The following CEP57L1 variants were observed in gnomAD, a reference collection of about 807,000 sequenced individuals.
The protein encoded by CEP57L1 is centrosomal protein CEP57L1.
Under a neutral mutation model 61.0 loss-of-function variants are expected in CEP57L1, and 37 were observed. The ratio of observed to expected loss-of-function variants is 0.61; its 90% CI spans 0.47 to 0.80. The LOEUF (loss-of-function observed/expected upper bound fraction) is 0.80, where lower values mean the gene tolerates loss of function less well. Among genes scored for constraint, CEP57L1 ranks in the 30% least tolerant of loss-of-function variants. CEP57L1 has a pLI of 0.00. For missense variants in CEP57L1, 422 were observed against 524.7 expected (o/e 0.80, Z 1.91); for synonymous variants, 137 against 162.3 (o/e 0.84, Z 1.19).
At chr6:109,159,632 G>A (rs1270500138) in intron 9 of CEP57L1, among the ~76,000 whole-genome samples, 170 bp downstream of exon 9, 1 of 152,034 alleles carries the variant, frequency 6.6e-6, no homozygotes, top group Non-Finnish European at 1.5e-5. Context: ...TTTATCAGGA[G>A]AAGTACCATA....
intron 7 of CEP57L1, chr6:109,158,766 C>A: frequency 1.9e-6 from 1 of 534,162 alleles, no homozygotes; most frequent in South Asian, 1.8e-5. Context: ...TTGTTATTGT[C>A]ACTGTTTTTT....
intron 2 of CEP57L1, among the ~76,000 whole-genome samples, chr6:109,145,875 CATTTT>C (rs951630024): frequency 8.6e-5 from 13 of 151,770 alleles, no homozygotes; most frequent in African/African-American, 3.1e-4. Flanking sequence ...ATTAGGAAAA[CATTTT>C]ATTACTCCAG....
At chr6:109,157,971 A>T (rs1169478596) in intron 7 of CEP57L1, 1 of 152,186 alleles carries the variant, frequency 6.6e-6, no homozygotes, top group African/African-American at 2.4e-5. Context: ...ATAGCTACAC[A>T]TCCCCTTCCC....
rs1219766201 is a variant in CEP57L1, at chr6:109,166,586, T to G, written c.*3616T>G. ...TTAGTAGAGATGGGGTTTCACTGTGTTAGCCAGGATGGTCTGGATCTCCTG... is the reference window on the plus strand; with the variant it reads ...TTAGTAGAGATGGGGTTTCACTGTGGTAGCCAGGATGGTCTGGATCTCCTG... On this transcript the variant is annotated 3_prime_UTR_variant, in exon 11 of 11. Coordinates refer to ENST00000517392, the MANE Select transcript of CEP57L1 (RefSeq NM_001271852.3). 2.6e-5 allele frequency among the ~76,000 whole-genome samples: 4 copies of G among 152,176 alleles called. No individual in the cohort carries two copies. Among genetic ancestry groups the G allele is most frequent in the African/African-American group, 4.8e-5 (2 of 41,438 alleles).
intron 4 of CEP57L1, among the ~76,000 whole-genome samples, chr6:109,151,062 C>T (rs1379491584): frequency 1.3e-5 from 2 of 151,998 alleles, no homozygotes; most frequent in South Asian, 4.1e-4. Flanking sequence ...AATAATAATG[C>T]TTTGTATGGT....
rs772409319 is a variant in CEP57L1, at chr6:109,162,844, A to T, written c.1257A>T (p.Ile419=). The change falls in exon 11 of 11, where the codon ATA becomes ATT. Residue 419 remains isoleucine, a synonymous_variant. Transcript: ENST00000517392. The part of the protein sequence containing the change: ...EDSYPKGSKN[I]KNSPRKCLTD... ...GCTACCCTAAAGGATCAAAGAACAT[A>T]AAAAATAGCCCCAGAAAATGTTTGA... 7 of 1,613,266 alleles carry T rather than the reference A, an allele frequency of 4.3e-6. No homozygotes were observed. The highest frequency in any genetic ancestry group is 1.3e-5 in the African/African-American group (1 of 75,016).
At chr6:109,096,139 T>G (rs1366260729) in intron 1 of CEP57L1, among the ~76,000 whole-genome samples, 1 of 152,242 alleles carries the variant, frequency 6.6e-6, no homozygotes, top group African/African-American at 2.4e-5. Context: ...TTCAGTCATT[T>G]GCTTAAAATT....
rs1774531136 is a variant in CEP57L1, at chr6:109,174,096, T to G, written c.*11126T>G. 8.6e-6 allele frequency among the ~76,000 whole-genome samples: 1 copy of G among 115,780 alleles called. No homozygotes were observed. The allele number at this position is 115,780 out of a possible 152,430, so 76.0% of individuals were successfully genotyped here. A position where few individuals can be genotyped will look rare whatever the true frequency, so the allele number is the denominator to read the frequency against. ...GCCTGAGCCATAGAGTGAGTCTTGG[T>G]CTCAAAAAAAAAAAAAAACCTTGTG... On this transcript the variant is annotated 3_prime_UTR_variant, in exon 11 of 11. Coordinates refer to ENST00000517392, the MANE Select transcript of CEP57L1 (RefSeq NM_001271852.3).
At chr6:109,138,985 C>T (rs1771046784) in intron 1 of CEP57L1, among the ~76,000 whole-genome samples, 1 of 152,140 alleles carries the variant, frequency 6.6e-6, no homozygotes, top group Non-Finnish European at 1.5e-5. Flanking sequence ...TGAACTTTTA[C>T]CTTTTCACTG....
intron 1 of CEP57L1, among the ~76,000 whole-genome samples, chr6:109,112,428 G>A (rs1164804655): frequency 1.3e-5 from 2 of 151,378 alleles, no homozygotes; most frequent in African/African-American, 2.4e-5. Context: ...TCCTTTATTC[G>A]TGTATCTATT....
chr6:109,105,885 C>G (rs1770878834), intron 1 of CEP57L1: 1 of 152,134 alleles, frequency 6.6e-6, no homozygotes, highest in African/African-American at 2.4e-5. Flanking sequence ...TTGCATTACC[C>G]CCAGAGCTCC....
At position 109,116,234 on chromosome 6, in the gene CEP57L1, A is replaced by G. The variant is rs552450920; in HGVS notation, c.-4+20659A>G. 3.3e-5 allele frequency among the ~76,000 whole-genome samples: 5 copies of G among 151,978 alleles called. No individual in the cohort carries two copies. The South Asian group carries it at 1.0e-3, about 31-fold the overall frequency. ...TTCTTGTTGGCCAGGCTGGAGTGCA[A>G]TGGCATGATCTCGGCTCACTGCAAC... On this transcript the variant is annotated intron_variant, in intron 1 of 10. Transcript: ENST00000517392.
At chr6:109,095,500 C>A (rs578125108), upstream of CEP57L1, 122 of 985,736 alleles carry the variant, frequency 1.2e-4, no homozygotes, top group Non-Finnish European at 1.4e-4. Context: ...CCCCCAGGGG[C>A]CACCGCGACG....
chr6:109,146,114 A>G (rs1389196131), intron 2 of CEP57L1, among the ~76,000 whole-genome samples: 1 of 151,982 alleles, frequency 6.6e-6, no homozygotes, highest in East Asian at 1.9e-4. Context: ...TCTAGCAAGC[A>G]TCTTTCTAAT....
At chr6:109,136,761 TTTA>T (rs988429857) in intron 1 of CEP57L1, among the ~76,000 whole-genome samples, 29 of 139,032 alleles carry the variant, frequency 2.1e-4, no homozygotes, top group African/African-American at 8.4e-4. Context: ...TTTTATTTTA[TTTA>T]TTTTTTTGAG....
intron 1 of CEP57L1, among the ~76,000 whole-genome samples, chr6:109,099,908 C>G (rs1219064130): frequency 1.3e-5 from 2 of 152,200 alleles, no homozygotes; most frequent in Non-Finnish European, 2.9e-5. Context: ...CACTCTTTTA[C>G]TGTGTTCTTT....
intron 7 of CEP57L1, chr6:109,158,375 G>C (rs1339562106): frequency 1.1e-5 from 3 of 278,304 alleles, no homozygotes; most frequent in Admixed American, 5.0e-5. Context: ...TGTAATCCCA[G>C]CTACTCGGGA....
chr6:109,116,514 G>A lies in CEP57L1; in HGVS notation c.-4+20939G>A, dbSNP rs113084059. Among the ~76,000 whole-genome samples the A allele has an allele frequency of 3.4e-3, 517 of 152,204 alleles. 1 individual carries two copies. Among genetic ancestry groups the A allele is most frequent in the African/African-American group, 0.01 (417 of 41,516 alleles). On this transcript the variant is annotated intron_variant, in intron 1 of 10. Transcript: ENST00000517392. ...TAGAGATACTTTTCTTAACAGTAGA[G>A]TAGACTAATTGATATATATGTTACT...
chr6:109,146,836 T>C lies in CEP57L1; in HGVS notation c.239T>C (p.Leu80Pro). The C allele has an allele frequency of 1.2e-6, 2 of 1,610,944 alleles. No individual in the cohort carries two copies. Among genetic ancestry groups the C allele is most frequent in the Non-Finnish European group, 1.7e-6 (2 of 1,178,428 alleles). The change falls in exon 3 of 11, where the codon CTG (leucine) becomes CCG (proline). Residue 80 changes from leucine to proline, a missense_variant. By Grantham distance (98) the Leu-to-Pro change is moderately conservative (BLOSUM62 -3). Coordinates refer to ENST00000517392, the MANE Select transcript of CEP57L1 (RefSeq NM_001271852.3). ...GAGAGAACACAAGCTGAAGATAACC[T>C]GAACATTCTTTCCAGAGAAGCAGCA... ...ELERTQAEDNLNILSREAAQY... is the reference protein window; with the variant it reads ...ELERTQAEDNPNILSREAAQY...
Sources: allele counts gnomAD v4.1 joint callset (sites outside exome capture counted in the v4.1 genomes callset), GRCh38; gene constraint gnomAD v4.1.1; transcripts MANE v1.5; gene names NCBI Gene and HGNC (gene_info 2026-07-23, HGNC 2026-07-21).